The following PMFBP1 variants were observed in gnomAD, a reference collection of about 807,000 sequenced individuals.
PMFBP1 encodes the protein polyamine modulated factor 1 binding protein 1.
PMFBP1 carries 131 observed loss-of-function variants against 137.8 expected under a neutral mutation model. The observed-to-expected ratio is 0.95, with a 90% confidence interval of 0.82 to 1.10. PMFBP1 has a LOEUF of 1.10. PMFBP1 is among the 50% of genes least tolerant of loss of function. The pLI, the probability that PMFBP1 is intolerant of heterozygous loss-of-function variation, is 0.00. For synonymous variants in PMFBP1, 490 were observed against 450.4 expected, an observed-to-expected ratio of 1.09 and a Z score of -1.11; for missense variants, 1,199 against 1,175.4, an observed-to-expected ratio of 1.02 and a Z score of -0.29.
the PMFBP1 span, among the ~76,000 whole-genome samples, chr16:72,207,710 A>ATGGGTGTGTG: frequency 6.9e-6 from 1 of 143,920 alleles, no homozygotes; most frequent in Admixed American, 7.0e-5. Flanking sequence ...CCAGTAGGGC[A>ATGGGTGTGTG]TGTGTGTGTG....
intron 2 of PMFBP1, among the ~76,000 whole-genome samples, 199 bp downstream of exon 2, chr16:72,170,998 T>A (rs1040259967): frequency 3.3e-5 from 5 of 152,114 alleles, no homozygotes; most frequent in Admixed American, 6.5e-5. Context: ...GGAAACAAAC[T>A]CAGTATCATA....
At chr16:72,179,561 T>C (rs2043269543), upstream of PMFBP1, among the ~76,000 whole-genome samples, 1 of 152,040 alleles carries the variant, frequency 6.6e-6, no homozygotes, top group South Asian at 2.1e-4. Flanking sequence ...AATGAAGTAC[T>C]GTTTATTAAG....
At position 72,164,410 on chromosome 16, in the gene PMFBP1, T is replaced by G. The variant is rs1357400060; in HGVS notation, c.165+354A>C. 3.0e-6 allele frequency: 4 copies of G among 1,313,280 alleles called. No homozygotes were observed. The African/African-American group carries it at 6.0e-5, about 20-fold the overall frequency. The allele number at this position is 1,313,280 out of a possible 1,614,324, so 81.4% of individuals were successfully genotyped here. A position where few individuals can be genotyped will look rare whatever the true frequency, so the allele number is the denominator to read the frequency against. On this transcript the variant is annotated intron_variant, in intron 3 of 20. Coordinates refer to ENST00000237353, the MANE Select transcript of PMFBP1 (RefSeq NM_031293.3). ...GATGGTTTTTATTTTCATGGTTGAC[T>G]TAGAAGTTTGTCTGAGATCCATAGC...
Position 72,119,265 on chromosome 16 carries a change from G to A in PMFBP1, c.*73C>T. On this transcript the variant is annotated 3_prime_UTR_variant, in exon 21 of 21. Coordinates refer to ENST00000237353, the MANE Select transcript of PMFBP1 (RefSeq NM_031293.3). ...GTAAGAGCTGATCCAGGTCAAGAGA[G>A]AGGGAGGGCTGGGAACTCACTGTCC... The A allele has an allele frequency of 6.6e-7, 1 of 1,510,080 alleles. No homozygotes were observed. The highest frequency in any genetic ancestry group is 9.2e-7 in the Non-Finnish European group (1 of 1,085,900). The allele number at this position is 1,510,080 out of a possible 1,614,324, so 93.5% of individuals were successfully genotyped here.
chr16:72,131,898 T>C (rs921891600), intron 10 of PMFBP1, among the ~76,000 whole-genome samples: 1 of 152,124 alleles, frequency 6.6e-6, no homozygotes. Context: ...CAGTCTGGAG[T>C]GCACTGGCGT....
upstream of PMFBP1, among the ~76,000 whole-genome samples, chr16:72,181,613 A>G (rs1461579811): frequency 6.6e-6 from 1 of 152,244 alleles, no homozygotes; most frequent in African/African-American, 2.4e-5. Flanking sequence ...ATATGTGAAC[A>G]TCGTCCTTCA....
chr16:72,131,921 C>T (rs747231502), intron 10 of PMFBP1, among the ~76,000 whole-genome samples: 50 of 152,226 alleles, frequency 3.3e-4, no homozygotes, highest in Non-Finnish European at 6.6e-4. Flanking sequence ...TCTCAGCTCA[C>T]TGCAACCTTG....
At chr16:72,179,440 C>T (rs772974000), upstream of PMFBP1, among the ~76,000 whole-genome samples, 4 of 152,160 alleles carry the variant, frequency 2.6e-5, no homozygotes, top group African/African-American at 4.8e-5. Flanking sequence ...CAACCTCATC[C>T]GCAATGCAGA....
rs750176965 is a variant in PMFBP1, at chr16:72,132,764, C to T, written c.1431G>A (p.Gln477=). The T allele has an allele frequency of 6.2e-7, 1 of 1,614,200 alleles. No homozygotes were observed. The highest frequency in any genetic ancestry group is 1.7e-5 in the Admixed American group (1 of 60,026). Residue 477 remains glutamine, a synonymous_variant, in exon 10 of 21, where the codon CAG becomes CAA. Transcript: ENST00000237353. The stretch of plus-strand genomic sequence containing the variant: ...GGGCCTCACCAGCCAGCCTCTCCTG[C>T]TGCTTGGCCTCTTCGAGACTGTTCT... The part of the protein sequence containing the change: ...KLKNSLEEAK[Q]QERLAAQQAA...
intron 5 of PMFBP1, among the ~76,000 whole-genome samples, chr16:72,141,102 T>A (rs749461783): frequency 4.6e-5 from 7 of 151,864 alleles, no homozygotes; most frequent in Non-Finnish European, 7.4e-5. Flanking sequence ...GCCGGGCTAA[T>A]TTTTTTGTAT....
the PMFBP1 span, among the ~76,000 whole-genome samples, chr16:72,201,602 C>T: frequency 6.6e-6 from 1 of 152,196 alleles, no homozygotes; most frequent in African/African-American, 2.4e-5. Flanking sequence ...TCCAGCAAAG[C>T]TGCCAATCAC....
intron 13 of PMFBP1, 49 bp from the exon 14 acceptor site, chr16:72,128,843 G>A: frequency 6.2e-7 from 1 of 1,610,114 alleles, no homozygotes; most frequent in Non-Finnish European, 8.5e-7. Context: ...GTTAATCTCA[G>A]ATAACTATAA....
At chr16:72,223,378 G>A in the PMFBP1 span, among the ~76,000 whole-genome samples, 2 of 152,118 alleles carry the variant, frequency 1.3e-5, no homozygotes, top group Non-Finnish European at 2.9e-5. Context: ...TGTAGTTCCC[G>A]ATTACAGGTC....
chr16:72,207,896 GA>G, the PMFBP1 span, among the ~76,000 whole-genome samples: 1 of 152,080 alleles, frequency 6.6e-6, no homozygotes, highest in South Asian at 2.1e-4. Flanking sequence ...CCAAATACCT[GA>G]GCATAGTACA....
intron 5 of PMFBP1, among the ~76,000 whole-genome samples, chr16:72,145,799 C>T (rs923339468): frequency 5.9e-5 from 9 of 152,054 alleles, no homozygotes; most frequent in African/African-American, 2.2e-4. Flanking sequence ...ATAAATTCCT[C>T]GACACATACA....
intron 6 of PMFBP1, among the ~76,000 whole-genome samples, chr16:72,139,649 G>A (rs768145545): frequency 2.2e-4 from 34 of 152,088 alleles, no homozygotes; most frequent in Non-Finnish European, 4.4e-4. Flanking sequence ...CTAAACCTCC[G>A]TTTGGTCCAT....
chr16:72,135,867 A>C (rs920154385), intron 9 of PMFBP1, among the ~76,000 whole-genome samples: 1 of 143,790 alleles, frequency 7.0e-6, no homozygotes, highest in African/African-American at 2.6e-5. Context: ...TGATCCTGTG[A>C]CTTGAGCCTC....
At chr16:72,227,317 G>A in the PMFBP1 span, among the ~76,000 whole-genome samples, 1 of 152,158 alleles carries the variant, frequency 6.6e-6, no homozygotes, top group Non-Finnish European at 1.5e-5. Context: ...TGAGTCTAGG[G>A]TGAGAATGAC....
chr16:72,153,921 T>TAC (rs3223525), intron 4 of PMFBP1, among the ~76,000 whole-genome samples: 16,051 of 133,846 alleles, frequency 0.12, 974 homozygotes, highest in Non-Finnish European at 0.15. Context: ...GATGGACTTA[T>TAC]ACACACACAC....
Sources: gnomAD v4.1 joint callset for allele counts (sites outside exome capture counted in the v4.1 genomes callset) on GRCh38, gnomAD v4.1.1 for gene constraint, MANE v1.5 for transcripts, NCBI Gene and HGNC (gene_info 2026-07-23, HGNC 2026-07-21) for gene names.